Variants in DNM3 observed in about 807,000 individuals in gnomAD.
DNM3 encodes the protein dynamin 3.
DNM3 carries 47 observed loss-of-function variants against 101.6 expected under a neutral mutation model. The ratio of observed to expected loss-of-function variants is 0.46; its 90% CI spans 0.37 to 0.59. The LOEUF (loss-of-function observed/expected upper bound fraction) is 0.59, where lower values mean the gene tolerates loss of function less well. Ranked by LOEUF, DNM3 falls within the 20% of genes least tolerant of loss-of-function variation. The pLI, the probability that DNM3 is intolerant of heterozygous loss-of-function variation, is 0.00. For synonymous variants in DNM3, 385 were observed against 387.9 expected (o/e 0.99, Z 0.09); for missense variants, 849 against 1,085.7 (o/e 0.78, Z 3.06).
At chr1:172,304,222 A>AAAAAAAAC (rs745651671) in intron 15 of DNM3, among the ~76,000 whole-genome samples, 2 of 129,002 alleles carry the variant, frequency 1.6e-5, no homozygotes, top group African/African-American at 7.0e-5. Flanking sequence ...AAAAAAAAAA[A>AAAAAAAAC]CAGGAGTTGC....
At chr1:172,087,261 A>G (rs901029846) in intron 12 of DNM3, among the ~76,000 whole-genome samples, 29 of 152,058 alleles carry the variant, frequency 1.9e-4, no homozygotes, top group African/African-American at 7.0e-4. Flanking sequence ...GGAGCTCTTC[A>G]TCTTCTGATC....
chr1:172,365,267 G>A (rs1045710649), intron 17 of DNM3, among the ~76,000 whole-genome samples: 4 of 151,924 alleles, frequency 2.6e-5, no homozygotes, highest in Admixed American at 1.3e-4. Context: ...ATAAAATTAT[G>A]TGATATCTGA....
chr1:172,409,418 A>T lies in DNM3; in HGVS notation c.*1577A>T. Reference sequence around the variant, plus strand: ...ATTAAACAGAGAACTTGCCATGTTGAGTGCCATTGTATTGAACTTATTCTA... The same window carrying T: ...ATTAAACAGAGAACTTGCCATGTTGTGTGCCATTGTATTGAACTTATTCTA... On this transcript the variant is annotated 3_prime_UTR_variant, in exon 21 of 21. Transcript: ENST00000627582. 1.0e-6 allele frequency: 1 copy of T among 984,668 alleles called. No individual in the cohort carries two copies. Among genetic ancestry groups the T allele is most frequent in the Non-Finnish European group, 1.2e-6 (1 of 829,262 alleles). 61.0% of individuals were successfully genotyped at this position (984,668 alleles called of 1,614,324 possible).
intron 15 of DNM3, among the ~76,000 whole-genome samples, chr1:172,256,295 T>C (rs1243691888): frequency 6.8e-6 from 1 of 146,646 alleles, no homozygotes; most frequent in African/African-American, 2.4e-5. Context: ...ATTAGCTGAC[T>C]GTTTGGTGGA....
At chr1:171,865,904 T>C (rs1161924281) in intron 1 of DNM3, among the ~76,000 whole-genome samples, 7 of 152,180 alleles carry the variant, frequency 4.6e-5, no homozygotes, top group African/African-American at 7.2e-5. Context: ...ATGTTGAGAT[T>C]TCAATGTAAA....
intron 20 of DNM3, chr1:172,389,125 T>A (rs2069374115): frequency 2.8e-6 from 1 of 361,704 alleles, no homozygotes; most frequent in South Asian, 3.5e-5. Flanking sequence ...TATGGAGGAT[T>A]GTAGCAAGCT....
chr1:171,920,545 C>A (rs2040076138), intron 1 of DNM3, among the ~76,000 whole-genome samples: 1 of 152,104 alleles, frequency 6.6e-6, no homozygotes, highest in African/African-American at 2.4e-5. Flanking sequence ...GGGCCTGGAA[C>A]CACATTTTGA....
intron 15 of DNM3, among the ~76,000 whole-genome samples, chr1:172,277,888 T>A (rs2063347490): frequency 6.6e-6 from 1 of 152,136 alleles, no homozygotes; most frequent in South Asian, 2.1e-4. Flanking sequence ...ATTATATTCC[T>A]AATAGATTAC....
chr1:172,086,452 C>G (rs1177773320), intron 12 of DNM3, among the ~76,000 whole-genome samples: 3 of 152,156 alleles, frequency 2.0e-5, no homozygotes, highest in Non-Finnish European at 4.4e-5. Context: ...CACAATAGAA[C>G]TTTCTGAGAT....
intron 14 of DNM3, among the ~76,000 whole-genome samples, chr1:172,154,356 G>A (rs1015479775): frequency 6.6e-6 from 1 of 152,040 alleles, no homozygotes; most frequent in African/African-American, 2.4e-5. Context: ...ATGCCACAAT[G>A]TGTAGGCCAT....
intron 17 of DNM3, among the ~76,000 whole-genome samples, chr1:172,363,493 C>A (rs951515797): frequency 2.6e-5 from 4 of 151,852 alleles, no homozygotes; most frequent in African/African-American, 9.7e-5. Flanking sequence ...CCAATAATTT[C>A]TTCTTGAGAA....
chr1:171,894,202 C>T (rs1370470609), intron 1 of DNM3, among the ~76,000 whole-genome samples: 1 of 152,204 alleles, frequency 6.6e-6, no homozygotes, highest in Non-Finnish European at 1.5e-5. Context: ...AAGTGACCCG[C>T]CCACCTTGGC....
intron 13 of DNM3, among the ~76,000 whole-genome samples, chr1:172,118,804 G>A (rs74123799): frequency 3.9e-5 from 6 of 152,102 alleles, no homozygotes; most frequent in African/African-American, 1.2e-4. Context: ...GTCACAGCTG[G>A]CTGCTCCTGC....
intron 1 of DNM3, among the ~76,000 whole-genome samples, chr1:171,850,756 C>T (rs571114226): frequency 4.7e-5 from 7 of 149,004 alleles, no homozygotes; most frequent in African/African-American, 1.5e-4. Context: ...TACATATTCT[C>T]TTAGGGCTTT....
intron 1 of DNM3, among the ~76,000 whole-genome samples, chr1:171,854,809 C>T (rs6674464): frequency 0.055 from 8,260 of 151,450 alleles, 305 homozygotes; most frequent in Non-Finnish European, 0.085. Context: ...TCAGGTGATT[C>T]GCCAGCCTCC....
intron 17 of DNM3, among the ~76,000 whole-genome samples, chr1:172,336,659 T>G (rs1043763769): frequency 1.3e-5 from 2 of 151,830 alleles, no homozygotes; most frequent in Admixed American, 1.3e-4. Flanking sequence ...TTCTTTTACC[T>G]TCTTATTTAA....
At chr1:171,919,523 C>T (rs1288455013) in intron 1 of DNM3, among the ~76,000 whole-genome samples, 1 of 152,076 alleles carries the variant, frequency 6.6e-6, no homozygotes, top group Admixed American at 6.5e-5. Flanking sequence ...TCCATGGTGC[C>T]CTCCAGCTCT....
chr1:171,881,658 A>T (rs1047607781), intron 1 of DNM3, among the ~76,000 whole-genome samples: 1 of 152,218 alleles, frequency 6.6e-6, no homozygotes, highest in Non-Finnish European at 1.5e-5. Context: ...TTCTGCTGAA[A>T]TGGCAGACCT....
chr1:172,022,512 G>T (rs998694740), intron 4 of DNM3, among the ~76,000 whole-genome samples: 5 of 151,912 alleles, frequency 3.3e-5, no homozygotes, highest in Non-Finnish European at 7.4e-5. Context: ...AGATATAAGG[G>T]AGTAGTAAAG....
Sources: allele counts gnomAD v4.1 joint callset (sites outside exome capture counted in the v4.1 genomes callset), GRCh38; gene constraint gnomAD v4.1.1; transcripts MANE v1.5; gene names NCBI Gene and HGNC (gene_info 2026-07-23, HGNC 2026-07-21).